The following ADAMTS17 variants were observed in gnomAD, a reference collection of about 807,000 sequenced individuals.
ADAMTS17 encodes the protein A disintegrin and metalloproteinase with thrombospondin motifs 17.
Under a neutral mutation model 141.5 loss-of-function variants are expected in ADAMTS17, and 113 were observed. The observed-to-expected ratio is 0.80, with a 90% CI of 0.69 to 0.93. ADAMTS17 has a LOEUF of 0.93. Ranked by LOEUF, ADAMTS17 falls within the 40% of genes least tolerant of loss-of-function variation. The probability of loss-of-function intolerance (pLI) is 0.00; values close to 1 mark genes in which losing one functional copy is unlikely to be tolerated. For synonymous variants in ADAMTS17, 768 were observed against 630.6 expected, an observed-to-expected ratio of 1.22 and a Z score of -3.27; for missense variants, 1,659 against 1,517.9, an observed-to-expected ratio of 1.09 and a Z score of -1.54.
chr15:100,123,900 C>T (rs1452523338), intron 12 of ADAMTS17, among the ~76,000 whole-genome samples: 1 of 152,174 alleles, frequency 6.6e-6, no homozygotes. Flanking sequence ...ACTGACCAGT[C>T]ATCGGGGTGT....
rs546576510 is a variant in ADAMTS17, at chr15:99,971,490, TTAA to T, written c.*2909_*2911del. 1.3e-5 allele frequency: 2 copies of T among 152,354 alleles called. No individual in the cohort carries two copies. Among genetic ancestry groups the T allele is most frequent in the East Asian group, 3.9e-4 (2 of 5,188 alleles). 9.4% of individuals were successfully genotyped at this position (152,354 alleles called of 1,614,324 possible). A position where few individuals can be genotyped will look rare whatever the true frequency, so the allele number is the denominator to read the frequency against. On this transcript the variant is annotated 3_prime_UTR_variant, in exon 22 of 22. Transcript: ENST00000268070. ...ATTCAACTTGCTTCCAATGAAATGA[TTAA>T]TTTTTCTATATAATTTTCATGTATA...
intron 8 of ADAMTS17, among the ~76,000 whole-genome samples, chr15:100,197,278 A>C (rs1180757835): frequency 6.6e-6 from 1 of 152,264 alleles, no homozygotes; most frequent in Non-Finnish European, 1.5e-5. Flanking sequence ...ATTGCAGTTC[A>C]TGTAACTATA....
intron 15 of ADAMTS17, among the ~76,000 whole-genome samples, chr15:100,064,266 G>C (rs1437058658): frequency 2.6e-5 from 4 of 152,178 alleles, no homozygotes; most frequent in Non-Finnish European, 5.9e-5. Flanking sequence ...GCATGGAACA[G>C]ATCCTCCCTC....
chr15:100,190,425 G>C (rs1401829358), intron 8 of ADAMTS17, among the ~76,000 whole-genome samples: 1 of 152,222 alleles, frequency 6.6e-6, no homozygotes, highest in Non-Finnish European at 1.5e-5. Context: ...CCCTTTCCCA[G>C]AACGTGCCAT....
At chr15:100,210,279 AG>A (rs1355889438) in intron 7 of ADAMTS17, among the ~76,000 whole-genome samples, 1 of 132,980 alleles carries the variant, frequency 7.5e-6, no homozygotes, top group Non-Finnish European at 1.6e-5. Flanking sequence ...TGGAACAGGG[AG>A]GGGTAAGTAA....
At chr15:100,314,374 G>A (rs533393942) in intron 3 of ADAMTS17, among the ~76,000 whole-genome samples, 2 of 152,300 alleles carry the variant, frequency 1.3e-5, no homozygotes, top group South Asian at 4.1e-4. Context: ...TTAAATAAGG[G>A]TTCTAAGAAA....
At chr15:100,291,013 TA>T (rs2044607675) in intron 3 of ADAMTS17, among the ~76,000 whole-genome samples, 1 of 152,182 alleles carries the variant, frequency 6.6e-6, no homozygotes, top group Non-Finnish European at 1.5e-5. Context: ...GGGGCCTAAT[TA>T]AACCAAAGAG....
At chr15:100,260,615 A>G (rs1201867667) in intron 6 of ADAMTS17, among the ~76,000 whole-genome samples, 1 of 15,182 alleles carries the variant, frequency 6.6e-5, no homozygotes, top group Non-Finnish European at 1.4e-4. Context: ...ACTCCATCTC[A>G]AAAAAAAAAA....
At chr15:100,204,999 C>T (rs377158872) in intron 7 of ADAMTS17, among the ~76,000 whole-genome samples, 133 of 152,248 alleles carry the variant, frequency 8.7e-4, no homozygotes, top group South Asian at 2.3e-3. Flanking sequence ...TGTGTTGTAA[C>T]GCCATGTGAG....
chr15:100,198,743 C>T (rs193058746), intron 8 of ADAMTS17, among the ~76,000 whole-genome samples: 13 of 152,314 alleles, frequency 8.5e-5, no homozygotes, highest in Non-Finnish European at 1.3e-4. Context: ...ACCCCTCTGA[C>T]GCTCTGTTTC....
chr15:100,188,415 C>T (rs968781676), intron 8 of ADAMTS17, among the ~76,000 whole-genome samples: 4 of 151,744 alleles, frequency 2.6e-5, no homozygotes, highest in East Asian at 1.9e-4. Context: ...AACAAGAACA[C>T]ACACACAAAA....
intron 3 of ADAMTS17, among the ~76,000 whole-genome samples, chr15:100,311,991 C>G (rs933777231): frequency 3.3e-5 from 5 of 152,174 alleles, no homozygotes; most frequent in African/African-American, 9.7e-5. Flanking sequence ...AGGGAAGCTC[C>G]TGGCAGCTGG....
At chr15:100,074,864 T>C (rs1376977979) in intron 15 of ADAMTS17, among the ~76,000 whole-genome samples, 1 of 152,164 alleles carries the variant, frequency 6.6e-6, no homozygotes, top group Non-Finnish European at 1.5e-5. Context: ...AGCAATGTAA[T>C]CTCTTATGAC....
intron 18 of ADAMTS17, among the ~76,000 whole-genome samples, chr15:100,046,118 T>G (rs2031663569): frequency 6.6e-6 from 1 of 152,160 alleles, no homozygotes; most frequent in Admixed American, 6.5e-5. Context: ...TGACCTTAAG[T>G]GATCTGCCCG....
chr15:100,112,577 T>C (rs915935829), intron 13 of ADAMTS17, among the ~76,000 whole-genome samples: 4 of 151,978 alleles, frequency 2.6e-5, no homozygotes. Flanking sequence ...GTAAATAACA[T>C]GAGGTGGTGG....
intron 14 of ADAMTS17, among the ~76,000 whole-genome samples, chr15:100,097,200 C>A (rs2035815392): frequency 6.6e-6 from 1 of 152,148 alleles, no homozygotes; most frequent in Non-Finnish European, 1.5e-5. Context: ...TTGTATCCTG[C>A]AAAATAACCT....
At chr15:100,294,278 C>T (rs2044735088) in intron 3 of ADAMTS17, among the ~76,000 whole-genome samples, 1 of 152,160 alleles carries the variant, frequency 6.6e-6, no homozygotes, top group African/African-American at 2.4e-5. Context: ...TTTATGAACA[C>T]TACAGGTCTG....
intron 15 of ADAMTS17, among the ~76,000 whole-genome samples, chr15:100,089,270 T>G (rs1375197711): frequency 7.7e-6 from 1 of 129,258 alleles, no homozygotes; most frequent in Non-Finnish European, 1.5e-5. Context: ...GAAATGCAAA[T>G]CAAAACCATA....
At chr15:100,051,776 G>A (rs2032167556) in intron 16 of ADAMTS17, 45 bp from the exon 17 acceptor site, 4 of 1,612,658 alleles carry the variant, frequency 2.5e-6, no homozygotes, top group African/African-American at 1.3e-5. Context: ...AAGGAAGGAA[G>A]GCCCGTGGGA....
Sources: allele counts gnomAD v4.1 joint callset (sites outside exome capture counted in the v4.1 genomes callset), GRCh38; gene constraint gnomAD v4.1.1; transcripts MANE v1.5; gene names NCBI Gene and HGNC (gene_info 2026-07-23, HGNC 2026-07-21).